The following KCTD16 variants were observed in gnomAD, a reference collection of about 807,000 sequenced individuals.
The protein encoded by KCTD16 is BTB/POZ domain-containing protein KCTD16.
In KCTD16, 13 loss-of-function variants were observed where a neutral mutation model predicts 33.2. That is an observed-to-expected ratio of 0.39 (90% CI 0.25 to 0.62). The LOEUF is 0.62. Ranked by LOEUF, KCTD16 falls within the 20% of genes least tolerant of loss-of-function variation. The pLI is 0.50. For synonymous variants in KCTD16, 197 were observed against 195.3 expected (o/e 1.01, Z -0.07); for missense variants, 441 against 525.1 (o/e 0.84, Z 1.57).
chr5:144,442,662 G>A (rs1753739141), intron 3 of KCTD16, among the ~76,000 whole-genome samples: 1 of 151,020 alleles, frequency 6.6e-6, no homozygotes, highest in Non-Finnish European at 1.5e-5. Context: ...GGAGTTACCA[G>A]CCTCTTCTTA....
intron 3 of KCTD16, among the ~76,000 whole-genome samples, chr5:144,214,750 C>A (rs1753507495): frequency 6.6e-6 from 1 of 152,070 alleles, no homozygotes; most frequent in Non-Finnish European, 1.5e-5. Flanking sequence ...GATTAGGTAC[C>A]CCTTATCTTT....
intron 3 of KCTD16, among the ~76,000 whole-genome samples, chr5:144,392,041 T>C (rs1752460753): frequency 6.6e-6 from 1 of 152,254 alleles, no homozygotes; most frequent in South Asian, 2.1e-4. Flanking sequence ...CTAATGACTA[T>C]ATAATTATAA....
Position 144,442,482 on chromosome 5 carries a change from G to C in KCTD16, c.833-31178G>C, listed in dbSNP as rs200159445. On this transcript the variant is annotated intron_variant, in intron 3 of 3. Coordinates refer to ENST00000512467, the MANE Select transcript of KCTD16 (RefSeq NM_020768.4). The stretch of plus-strand genomic sequence containing the variant: ...CTTTCTTTCTTTCTTTCTTTCTGTC[G>C]TTCTTTCTGCCTTTCTATTTATCTT... 4.0e-4 allele frequency among the ~76,000 whole-genome samples: 35 copies of C among 88,590 alleles called. No individual in the cohort carries two copies. In the East Asian group the frequency reaches 0.01, roughly 26 times the overall value. The allele number at this position is 88,590 out of a possible 152,430, so 58.1% of individuals were successfully genotyped here. A position where few individuals can be genotyped will look rare whatever the true frequency, so the allele number is the denominator to read the frequency against.
At chr5:144,239,006 C>G (rs1209224995) in intron 3 of KCTD16, among the ~76,000 whole-genome samples, 1 of 152,074 alleles carries the variant, frequency 6.6e-6, no homozygotes, top group African/African-American at 2.4e-5. Context: ...TGAGAGCACA[C>G]AGGGGAAGCC....
chr5:144,240,845 G>A lies in KCTD16; in HGVS notation c.832+33299G>A, dbSNP rs561264815. On this transcript the variant is annotated intron_variant, in intron 3 of 3. Coordinates refer to ENST00000512467, the MANE Select transcript of KCTD16 (RefSeq NM_020768.4). ...TTATTGAACAAGATACCAGGGAGGC[G>A]GTTTGCTCTTCTCAGTGCTTCATAC... Among the ~76,000 whole-genome samples, 3 of 152,200 alleles carry A rather than the reference G, an allele frequency of 2.0e-5. No homozygotes were observed. In the East Asian group the frequency reaches 5.8e-4, roughly 29 times the overall value.
In KCTD16 at chr5:144,206,624, C is replaced by A; in HGVS notation, c.-91C>A. The A allele has an allele frequency of 9.0e-7, 1 of 1,107,192 alleles. No homozygotes were observed. Among genetic ancestry groups the A allele is most frequent in the Non-Finnish European group, 1.3e-6 (1 of 763,354 alleles). 68.6% of individuals were successfully genotyped at this position (1,107,192 alleles called of 1,614,324 possible). Reference sequence around the variant, plus strand: ...TTTTTTAATAAGTTAGCATCCTTTTCCCTTTCTTACAAGTTGATCCAAAGG... The same window carrying A: ...TTTTTTAATAAGTTAGCATCCTTTTACCTTTCTTACAAGTTGATCCAAAGG... On this transcript the variant is annotated 5_prime_UTR_variant, in exon 3 of 4. Transcript: ENST00000512467.
chr5:144,316,259 T>C (rs1337675477), intron 3 of KCTD16, among the ~76,000 whole-genome samples: 1 of 152,144 alleles, frequency 6.6e-6, no homozygotes, highest in Non-Finnish European at 1.5e-5. Flanking sequence ...CCTGGGCATC[T>C]GCCTGGACTT....
intron 3 of KCTD16, among the ~76,000 whole-genome samples, chr5:144,390,806 T>C (rs769576536): frequency 8.5e-5 from 13 of 152,188 alleles, no homozygotes; most frequent in Non-Finnish European, 1.8e-4. Flanking sequence ...GTTAGTTTAC[T>C]GAGAATGATG....
At chr5:144,419,158 A>G (rs1346040115) in intron 3 of KCTD16, among the ~76,000 whole-genome samples, 2 of 152,268 alleles carry the variant, frequency 1.3e-5, no homozygotes, top group East Asian at 3.9e-4. Context: ...CATTTGACAC[A>G]TATTTCTTGC....
chr5:144,311,073 C>T (rs1383966411), intron 3 of KCTD16, among the ~76,000 whole-genome samples: 1 of 152,156 alleles, frequency 6.6e-6, no homozygotes, highest in African/African-American at 2.4e-5. Context: ...ATCTCCTTTA[C>T]CATCTCTTTG....
At chr5:144,390,940 A>G (rs1314946267) in intron 3 of KCTD16, among the ~76,000 whole-genome samples, 2 of 151,784 alleles carry the variant, frequency 1.3e-5, no homozygotes, top group African/African-American at 4.8e-5. Flanking sequence ...CATGAATGTG[A>G]TATTTGTCTT....
chr5:144,236,976 G>GCC (rs1754270954), intron 3 of KCTD16, among the ~76,000 whole-genome samples: 1 of 152,056 alleles, frequency 6.6e-6, no homozygotes, highest in Admixed American at 6.6e-5. Flanking sequence ...ATTGAAAAAT[G>GCC]CCCCATGACT....
chr5:144,204,741 C>T (rs1753121263), intron 2 of KCTD16, among the ~76,000 whole-genome samples: 2 of 151,960 alleles, frequency 1.3e-5, no homozygotes, highest in Non-Finnish European at 1.5e-5. Context: ...TCATTAATTT[C>T]AGAGAGAGTG....
chr5:144,286,074 A>C (rs563280040), intron 3 of KCTD16, among the ~76,000 whole-genome samples: 66 of 151,638 alleles, frequency 4.4e-4, no homozygotes, highest in Non-Finnish European at 4.4e-4. Flanking sequence ...GCCCAGCAGA[A>C]TTTATTTGAT....
intron 3 of KCTD16, among the ~76,000 whole-genome samples, chr5:144,358,960 G>A (rs6863307): frequency 0.095 from 14,422 of 152,120 alleles, 1,679 homozygotes; most frequent in African/African-American, 0.28. Context: ...GACCATAACA[G>A]GTGTCCTGTG....
intron 3 of KCTD16, among the ~76,000 whole-genome samples, chr5:144,219,727 T>G (rs1753681920): frequency 6.6e-6 from 1 of 151,676 alleles, no homozygotes; most frequent in African/African-American, 2.4e-5. Context: ...ACCATGTTGG[T>G]CAGTCTGGTC....
At position 144,199,503 on chromosome 5, in the gene KCTD16, C is replaced by G. The variant is rs147956506; in HGVS notation, c.-326-6886C>G. 4.6e-5 allele frequency among the ~76,000 whole-genome samples: 7 copies of G among 152,170 alleles called. No homozygotes were observed. The East Asian group carries it at 1.2e-3, about 25-fold the overall frequency. Reference sequence around the variant, plus strand: ...ATAGTGCATGTGGATTTAGTAAAACCAATTATATGAGAATCGTGCAGCTAA... The same window carrying G: ...ATAGTGCATGTGGATTTAGTAAAACGAATTATATGAGAATCGTGCAGCTAA... On this transcript the variant is annotated intron_variant, in intron 2 of 3. Coordinates refer to ENST00000512467, the MANE Select transcript of KCTD16 (RefSeq NM_020768.4).
rs535135108 is a variant in KCTD16 at position 144,414,725 on chromosome 5, A to AT, written c.833-58928dup. 2.7e-3 allele frequency among the ~76,000 whole-genome samples: 404 copies of AT among 152,202 alleles called. 2 individuals are homozygous for AT. Among genetic ancestry groups the AT allele is most frequent in the African/African-American group, 9.0e-3 (373 of 41,534 alleles). ...CTGATCAGCATCTACTTATGCCTCA[A>AT]TTTTTTTCTGCTATATCACCCTCTC... is the stretch of plus-strand genomic sequence containing the variant. On this transcript the variant is annotated intron_variant, in intron 3 of 3. Transcript: ENST00000512467.
rs549543749 is a variant in KCTD16, at chr5:144,287,741, A to G, written c.832+80195A>G. On this transcript the variant is annotated intron_variant, in intron 3 of 3. Coordinates refer to ENST00000512467, the MANE Select transcript of KCTD16 (RefSeq NM_020768.4). ...AACCTCCGTCTCCCGGGTTCAAGTG[A>G]TTCTCCTGCCTCAGCCTCCCGAGTA... Among the ~76,000 whole-genome samples, 9 of 152,116 alleles carry G rather than the reference A, an allele frequency of 5.9e-5. No homozygotes were observed. The South Asian group carries it at 1.9e-3, about 32-fold the overall frequency.
Sources: allele counts gnomAD v4.1 joint callset (sites outside exome capture counted in the v4.1 genomes callset), GRCh38; gene constraint gnomAD v4.1.1; transcripts MANE v1.5; gene names NCBI Gene and HGNC (gene_info 2026-07-23, HGNC 2026-07-21).